GNAQ: variants seen among roughly 807,000 people sequenced by gnomAD.
GNAQ encodes guanine nucleotide-binding protein G(q) subunit alpha.
In GNAQ, 8 loss-of-function variants were observed where a neutral mutation model predicts 43.9. The ratio of observed to expected loss-of-function variants is 0.18; its 90% confidence interval spans 0.11 to 0.33. The LOEUF (loss-of-function observed/expected upper bound fraction) is 0.33. GNAQ is among the 10% of genes least tolerant of loss of function. The probability of loss-of-function intolerance (pLI) is 1.00; values close to 1 mark genes in which losing one functional copy is unlikely to be tolerated. For synonymous variants in GNAQ, 155 were observed against 170.7 expected, an observed-to-expected ratio of 0.91 and a Z score of 0.71; for missense variants, 158 against 450.8, an observed-to-expected ratio of 0.35 and a Z score of 5.88.
chr9:77,984,048 G>GAAAAAAAA lies in GNAQ; in HGVS notation c.136+47051_136+47052insTTTTTTTT, dbSNP rs1564170418. Reference sequence around the variant, plus strand: ...GCATATGCAAGTAGAATTTTGGAGAGCAAAAAAAAAAAAAAAAAAAAAAAA... The same window carrying GAAAAAAAA: ...GCATATGCAAGTAGAATTTTGGAGAGAAAAAAAACAAAAAAAAAAAAAAAAAAAAAAAA... On this transcript the variant is annotated intron_variant, in intron 1 of 6. Transcript: ENST00000286548. Among the ~76,000 whole-genome samples, 63 of 24,724 alleles carry GAAAAAAAA rather than the reference G, an allele frequency of 2.5e-3. 3 individuals carry two copies. Among genetic ancestry groups the GAAAAAAAA allele is most frequent in the African/African-American group, 0.012 (59 of 4,864 alleles). 16.2% of individuals were successfully genotyped at this position (24,724 alleles called of 152,430 possible). A position where few individuals can be genotyped will look rare whatever the true frequency, so the allele number is the denominator to read the frequency against.
chr9:77,979,241 A>T (rs1218995898), intron 1 of GNAQ, among the ~76,000 whole-genome samples: 1 of 151,834 alleles, frequency 6.6e-6, no homozygotes, highest in Admixed American at 6.6e-5. Context: ...CTATAATCCC[A>T]GTTACTCGGG....
chr9:77,896,475 A>T (rs779346798), intron 2 of GNAQ, among the ~76,000 whole-genome samples: 5 of 152,206 alleles, frequency 3.3e-5, no homozygotes, highest in Non-Finnish European at 7.3e-5. Context: ...GCTGTCACTC[A>T]TCCCTACCTG....
Position 77,718,217 on chromosome 9 carries a change from C to A in GNAQ, c.*3106G>T, listed in dbSNP as rs1825253774. 4.3e-6 allele frequency: 1 copy of A among 232,620 alleles called. No homozygotes were observed. 14.4% of individuals were successfully genotyped at this position (232,620 alleles called of 1,614,324 possible). ...CCACAGGCCTCCATTACCTAAGCAT[C>A]AACAATAGGAGGCCAGTGGCACACG... On this transcript the variant is annotated 3_prime_UTR_variant, in exon 7 of 7. Coordinates refer to ENST00000286548, the MANE Select transcript of GNAQ (RefSeq NM_002072.5).
At chr9:77,805,570 A>G (rs1826816434) in intron 3 of GNAQ, among the ~76,000 whole-genome samples, 1 of 151,874 alleles carries the variant, frequency 6.6e-6, no homozygotes, top group African/African-American at 2.4e-5. Context: ...AGGCCTGGCT[A>G]ATTTTTTGTA....
intron 2 of GNAQ, among the ~76,000 whole-genome samples, chr9:77,870,809 C>T (rs1417874224): frequency 2.0e-5 from 3 of 151,512 alleles, no homozygotes; most frequent in South Asian, 4.2e-4. Context: ...TAAACTGGTA[C>T]AAGCACATTA....
At chr9:77,840,065 T>C (rs1288670682) in intron 2 of GNAQ, among the ~76,000 whole-genome samples, 2 of 152,208 alleles carry the variant, frequency 1.3e-5, no homozygotes, top group Non-Finnish European at 2.9e-5. Context: ...ACCCGTGCGT[T>C]TTCCTCTGCA....
At chr9:77,951,901 A>G (rs1822982509) in intron 1 of GNAQ, among the ~76,000 whole-genome samples, 1 of 152,256 alleles carries the variant, frequency 6.6e-6, no homozygotes, top group African/African-American at 2.4e-5. Context: ...GACGCAAAGC[A>G]GGTCCACAGA....
intron 1 of GNAQ, among the ~76,000 whole-genome samples, chr9:77,957,401 A>G (rs114285653): frequency 0.012 from 1,760 of 151,914 alleles, 26 homozygotes; most frequent in African/African-American, 0.04. Flanking sequence ...AAACAAAAAA[A>G]CCCTTAATAA....
At chr9:77,860,106 A>T (rs996174464) in intron 2 of GNAQ, among the ~76,000 whole-genome samples, 5 of 152,164 alleles carry the variant, frequency 3.3e-5, no homozygotes, top group African/African-American at 9.7e-5. Context: ...ATACTCCTAA[A>T]CTGAGATTTC....
At chr9:77,780,305 C>T (rs530613874) in intron 5 of GNAQ, among the ~76,000 whole-genome samples, 67 of 151,970 alleles carry the variant, frequency 4.4e-4, no homozygotes, top group Middle Eastern at 6.8e-3. Context: ...CCCTCTGTTC[C>T]ACTTTTTACT....
intron 1 of GNAQ, among the ~76,000 whole-genome samples, chr9:77,940,458 G>A (rs1479086774): frequency 6.6e-6 from 1 of 151,988 alleles, no homozygotes; most frequent in Admixed American, 6.6e-5. Context: ...GGGCACCTGT[G>A]GTCCTAGCTA....
At chr9:77,750,115 C>CT (rs1226977370) in intron 5 of GNAQ, among the ~76,000 whole-genome samples, 2 of 143,054 alleles carry the variant, frequency 1.4e-5, no homozygotes, top group Non-Finnish European at 3.0e-5. Flanking sequence ...TAAGGTACAT[C>CT]TTTAAAAAAT....
chr9:77,995,017 A>G (rs566773963), intron 1 of GNAQ, among the ~76,000 whole-genome samples: 1 of 152,350 alleles, frequency 6.6e-6, no homozygotes, highest in African/African-American at 2.4e-5. Flanking sequence ...TAGTGAATCA[A>G]GTCACTGATA....
At chr9:78,021,361 T>C (rs559711076) in intron 1 of GNAQ, among the ~76,000 whole-genome samples, 41 of 152,292 alleles carry the variant, frequency 2.7e-4, no homozygotes, top group Admixed American at 2.1e-3. Context: ...ATCATGGTCA[T>C]ACCAACTGAG....
At chr9:77,725,971 C>T (rs568126327) in intron 6 of GNAQ, among the ~76,000 whole-genome samples, 26 of 152,246 alleles carry the variant, frequency 1.7e-4, no homozygotes, top group African/African-American at 4.1e-4. Context: ...ATTTCTCACA[C>T]GCTGATTCTT....
intron 1 of GNAQ, among the ~76,000 whole-genome samples, chr9:78,002,094 CT>C (rs1823650872): frequency 6.6e-6 from 1 of 152,184 alleles, no homozygotes; most frequent in South Asian, 2.1e-4. Flanking sequence ...GTGATTTGCA[CT>C]TTTTTCTTTG....
At chr9:77,983,093 C>G (rs1336835231) in intron 1 of GNAQ, among the ~76,000 whole-genome samples, 1 of 152,092 alleles carries the variant, frequency 6.6e-6, no homozygotes, top group Non-Finnish European at 1.5e-5. Context: ...TTTACACTAC[C>G]CAGAATTCTG....
chr9:77,982,684 A>G lies in GNAQ; in HGVS notation c.136+48416T>C, dbSNP rs1008162802. ...TTCATTGCACAGTAGTGAAAGATGC[A>G]TTCTCATTAATGAATCCTCTACCTG... On this transcript the variant is annotated intron_variant, in intron 1 of 6. Coordinates refer to ENST00000286548, the MANE Select transcript of GNAQ (RefSeq NM_002072.5). Among the ~76,000 whole-genome samples, 18 of 151,728 alleles carry G rather than the reference A, an allele frequency of 1.2e-4. No individual in the cohort carries two copies. The South Asian group carries it at 3.5e-3, about 30-fold the overall frequency.
chr9:77,727,978 T>C (rs1013781529), intron 6 of GNAQ, among the ~76,000 whole-genome samples: 2 of 152,074 alleles, frequency 1.3e-5, no homozygotes, highest in Non-Finnish European at 2.9e-5. Context: ...TCTGATCTGC[T>C]ATTTCAAAGC....
Sources: gnomAD v4.1 joint callset for allele counts (sites outside exome capture counted in the v4.1 genomes callset) on GRCh38, gnomAD v4.1.1 for gene constraint, MANE v1.5 for transcripts, NCBI Gene and HGNC (gene_info 2026-07-23, HGNC 2026-07-21) for gene names.